Variants in SOS2 observed in about 807,000 individuals in gnomAD.
SOS2 encodes SOS Ras/Rho guanine nucleotide exchange factor 2.
SOS2 carries 65 observed loss-of-function variants against 148.2 expected under a neutral mutation model. The observed-to-expected ratio is 0.44, with a 90% CI of 0.36 to 0.54. The LOEUF (loss-of-function observed/expected upper bound fraction) is 0.54. Ranked by LOEUF, SOS2 falls within the 20% of genes least tolerant of loss-of-function variation. SOS2 has a pLI of 0.00. For missense variants in SOS2, 1,341 were observed against 1,590.2 expected (o/e 0.84, Z 2.67); for synonymous variants, 539 against 537.1 (o/e 1.00, Z -0.05).
At chr14:50,207,277 C>A (rs375552388) in intron 1 of SOS2, among the ~76,000 whole-genome samples, 10 of 152,016 alleles carry the variant, frequency 6.6e-5, no homozygotes, top group African/African-American at 2.4e-4. Context: ...CTTTGGGAGG[C>A]CAAGGTCAGA....
At chr14:50,171,907 C>T (rs1169186403) in intron 8 of SOS2, among the ~76,000 whole-genome samples, 2 of 152,142 alleles carry the variant, frequency 1.3e-5, no homozygotes, top group African/African-American at 2.4e-5. Flanking sequence ...CTATTACTGA[C>T]ACCTGCTACA....
rs770022419 is a variant in SOS2, at chr14:50,145,584, C to A, written c.2397G>T (p.Pro799=). Residue 799 remains proline, a synonymous_variant, in exon 15 of 23, where the codon CCG becomes CCT. Transcript: ENST00000216373. Reference sequence around the variant, plus strand: ...TCCACACACTCCCTACAAGTTCAGACGGTTGAACTTTCCTATGGAATTGAA... The same window carrying A: ...TCCACACACTCCCTACAAGTTCAGAAGGTTGAACTTTCCTATGGAATTGAA... ...LESDLYRKVQ[P]SELVGSVWTK... is the part of the protein sequence containing the mutation. The A allele has an allele frequency of 2.0e-5, 32 of 1,594,018 alleles. No homozygotes were observed. The highest frequency in any genetic ancestry group is 2.6e-5 in the Non-Finnish European group (31 of 1,172,926).
chr14:50,149,340 G>A (rs769985697), intron 14 of SOS2, among the ~76,000 whole-genome samples: 10 of 152,094 alleles, frequency 6.6e-5, no homozygotes, highest in Non-Finnish European at 2.9e-5. Flanking sequence ...AAAGCCTGTC[G>A]TTCAAGGCAA....
At chr14:50,128,220 G>T (rs1008290522) in intron 21 of SOS2, among the ~76,000 whole-genome samples, 11 of 152,022 alleles carry the variant, frequency 7.2e-5, no homozygotes, top group Non-Finnish European at 1.2e-4. Context: ...TGACAGCAGG[G>T]TCAATACCTG....
At position 50,182,386 on chromosome 14, in the gene SOS2, T is replaced by C. The variant is rs368073062; in HGVS notation, c.858+77A>G. 1.7e-4 allele frequency: 229 copies of C among 1,320,760 alleles called. 1 individual carries two copies. The East Asian group carries it at 2.4e-3, about 14-fold the overall frequency. The allele number at this position is 1,320,760 out of a possible 1,614,324, so 81.8% of individuals were successfully genotyped here. A position where few individuals can be genotyped will look rare whatever the true frequency, so the allele number is the denominator to read the frequency against. Reference sequence around the variant, plus strand: ...TTATGGAAACGGGGTCTCACTATGTTGCCAAGACTCATCTCTAAGTTTCTT... The same window carrying C: ...TTATGGAAACGGGGTCTCACTATGTCGCCAAGACTCATCTCTAAGTTTCTT... On this transcript the variant is annotated intron_variant, in intron 6 of 22. Coordinates refer to ENST00000216373, the MANE Select transcript of SOS2 (RefSeq NM_006939.4).
chr14:50,174,581 T>C (rs1352778534), intron 7 of SOS2, 29 bp from the exon 8 acceptor site: 2 of 1,368,184 alleles, frequency 1.5e-6, no homozygotes, highest in East Asian at 2.3e-5. Flanking sequence ...TCACAGTATG[T>C]ATGTCTCTGA....
rs529789254 is a variant in SOS2 at position 50,207,965 on chromosome 14, A to G, written c.88-3556T>C. Among the ~76,000 whole-genome samples the G allele has an allele frequency of 3.5e-3, 539 of 152,174 alleles. 4 individuals are homozygous for G. Among genetic ancestry groups the G allele is most frequent in the African/African-American group, 0.012 (519 of 41,538 alleles). On this transcript the variant is annotated intron_variant, in intron 1 of 22. Transcript: ENST00000216373. ...GACCATCCCAATATATATGTAAAAAAGCCATTTGAAAAATATTCAACATTC... is the reference window on the plus strand; with the variant it reads ...GACCATCCCAATATATATGTAAAAAGGCCATTTGAAAAATATTCAACATTC...
intron 1 of SOS2, chr14:50,215,391 G>A (rs1887014893): frequency 7.8e-7 from 1 of 1,282,424 alleles, no homozygotes; most frequent in African/African-American, 1.5e-5. Context: ...TGCTGTAACA[G>A]GACATCAAGA....
Position 50,138,549 on chromosome 14 carries a change from A to AT in SOS2, c.2958+62dup, listed in dbSNP as rs35961944. The AT allele has an allele frequency of 0.4, 236,691 of 586,540 alleles. 20,413 individuals carry two copies. Among genetic ancestry groups the AT allele is most frequent in the Non-Finnish European group, 0.42 (154,018 of 363,244 alleles). The allele number at this position is 586,540 out of a possible 1,614,324, so 36.3% of individuals were successfully genotyped here. A position where few individuals can be genotyped will look rare whatever the true frequency, so the allele number is the denominator to read the frequency against. ...TCCAATAGTATGTCTTATTCATTCT[A>AT]TTTTTTTTTTTTGGTACCCATTAAC... On this transcript the variant is annotated intron_variant, in intron 18 of 22. Transcript: ENST00000216373.
intron 7 of SOS2, among the ~76,000 whole-genome samples, chr14:50,176,481 G>C (rs1566838682): frequency 6.6e-6 from 1 of 152,180 alleles, no homozygotes; most frequent in Non-Finnish European, 1.5e-5. Flanking sequence ...TAAAATGCCT[G>C]ATAAAGTGCA....
intron 8 of SOS2, among the ~76,000 whole-genome samples, chr14:50,169,918 TTTTG>T (rs957799471): frequency 6.6e-5 from 10 of 151,984 alleles, no homozygotes; most frequent in Non-Finnish European, 1.2e-4. Flanking sequence ...CTCAGATAAA[TTTTG>T]TTTATTTATT....
At chr14:50,213,468 T>TG (rs950612027) in intron 1 of SOS2, among the ~76,000 whole-genome samples, 3 of 152,000 alleles carry the variant, frequency 2.0e-5, no homozygotes, top group Non-Finnish European at 2.9e-5. Context: ...GAGGCCAAGG[T>TG]GGGGGTGGAT....
chr14:50,120,464 A>G (rs1883465828), intron 21 of SOS2, 80 bp from the exon 22 acceptor site: 2 of 712,442 alleles, frequency 2.8e-6, no homozygotes. Flanking sequence ...CGATACTTCT[A>G]CCATGGCATT....
intron 6 of SOS2, among the ~76,000 whole-genome samples, chr14:50,181,415 T>G (rs1333547390): frequency 6.7e-6 from 1 of 149,208 alleles, no homozygotes; most frequent in Non-Finnish European, 1.5e-5. Flanking sequence ...GCCATTGCAC[T>G]CTAGAATGGG....
chr14:50,134,038 C>T (rs1883993834), intron 19 of SOS2, 85 bp downstream of exon 19: 1 of 778,336 alleles, frequency 1.3e-6, no homozygotes, highest in South Asian at 1.5e-5. Context: ...CATTCAATTA[C>T]ATTTTTAAGA....
At chr14:50,152,548 C>T (rs1273517818) in intron 13 of SOS2, among the ~76,000 whole-genome samples, 1 of 152,144 alleles carries the variant, frequency 6.6e-6, no homozygotes, top group Non-Finnish European at 1.5e-5. Flanking sequence ...GAAATATTCT[C>T]CTCAAAAACT....
rs951010963 is a variant in SOS2, at chr14:50,157,206, C to A, written c.1935-85G>T. On this transcript the variant is annotated intron_variant, in intron 11 of 22. Coordinates refer to ENST00000216373, the MANE Select transcript of SOS2 (RefSeq NM_006939.4). ...AAACAGCAAGCAACCTTCTTTCCTA[C>A]CACTTCCACGAAAAGTGGATTACTG... is the stretch of plus-strand genomic sequence containing the variant. 4.7e-6 allele frequency: 7 copies of A among 1,476,164 alleles called. No homozygotes were observed. The East Asian group carries it at 1.2e-4, about 25-fold the overall frequency. 91.4% of individuals were successfully genotyped at this position (1,476,164 alleles called of 1,614,324 possible).
chr14:50,218,752 G>C (rs566315012), intron 1 of SOS2, among the ~76,000 whole-genome samples: 1 of 152,170 alleles, frequency 6.6e-6, no homozygotes. Context: ...GGAGGAACAG[G>C]ATCTCTTATA....
chr14:50,145,712 T>C, intron 14 of SOS2, 116 bp from the exon 15 acceptor site: 1 of 625,878 alleles, frequency 1.6e-6, no homozygotes, highest in Non-Finnish European at 2.8e-6. Context: ...AACACATATA[T>C]GAACAAGTAA....
Sources: allele counts gnomAD v4.1 joint callset (sites outside exome capture counted in the v4.1 genomes callset), GRCh38; gene constraint gnomAD v4.1.1; transcripts MANE v1.5; gene names NCBI Gene and HGNC (gene_info 2026-07-23, HGNC 2026-07-21).